Variants in PRKCA observed in about 807,000 individuals in gnomAD.
PRKCA encodes protein kinase C alpha, also known as protein kinase C alpha type.
PRKCA carries 27 observed loss-of-function variants against 87.0 expected under a neutral mutation model. That is an observed-to-expected ratio of 0.31 (90% CI 0.23 to 0.43). PRKCA has a LOEUF of 0.43. Ranked by LOEUF, PRKCA falls within the 20% of genes least tolerant of loss-of-function variation. The pLI is 1.00. For synonymous variants in PRKCA, 329 were observed against 311.1 expected (o/e 1.06, Z -0.61); for missense variants, 518 against 852.3 (o/e 0.61, Z 4.88).
chr17:66,776,524 G>T (rs1975053302), intron 14 of PRKCA, among the ~76,000 whole-genome samples: 1 of 152,058 alleles, frequency 6.6e-6, no homozygotes, highest in Non-Finnish European at 1.5e-5. Context: ...TGGCCAGGCT[G>T]GTCCTGAGCT....
intron 2 of PRKCA, among the ~76,000 whole-genome samples, chr17:66,399,008 T>C (rs79675229): frequency 3.1e-3 from 474 of 152,232 alleles, no homozygotes; most frequent in Non-Finnish European, 5.4e-3. Context: ...AGAAGAAATA[T>C]ATGGGCAGTT....
intron 2 of PRKCA, among the ~76,000 whole-genome samples, chr17:66,463,167 A>T (rs73996219): frequency 2.6e-5 from 4 of 152,056 alleles, no homozygotes; most frequent in Non-Finnish European, 4.4e-5. Flanking sequence ...GAGACAGGCA[A>T]CATGTGCACC....
intron 14 of PRKCA, among the ~76,000 whole-genome samples, chr17:66,785,634 C>T (rs983563418): frequency 3.9e-5 from 6 of 152,176 alleles, no homozygotes; most frequent in Admixed American, 6.5e-5. Flanking sequence ...TACAGACATG[C>T]TGGAGGAAAA....
chr17:66,457,913 G>T (rs1159402919), intron 2 of PRKCA, among the ~76,000 whole-genome samples: 2 of 152,150 alleles, frequency 1.3e-5, no homozygotes, highest in Non-Finnish European at 2.9e-5. Flanking sequence ...TGCTGCTGGG[G>T]TCACCTGCTG....
At chr17:66,508,371 A>C (rs1359012787) in intron 3 of PRKCA, among the ~76,000 whole-genome samples, 1 of 152,264 alleles carries the variant, frequency 6.6e-6, no homozygotes, top group African/African-American at 2.4e-5. Context: ...CCACGAAGAT[A>C]ACACTGCCGT....
At chr17:66,552,979 A>T (rs1026919201) in intron 3 of PRKCA, among the ~76,000 whole-genome samples, 2 of 142,786 alleles carry the variant, frequency 1.4e-5, no homozygotes, top group Admixed American at 1.4e-4. Context: ...TAAAAATCTG[A>T]ATATTTTCTT....
chr17:66,520,955 T>C (rs1967139950), intron 3 of PRKCA, among the ~76,000 whole-genome samples: 1 of 152,172 alleles, frequency 6.6e-6, no homozygotes, highest in East Asian at 1.9e-4. Context: ...AATACAATGA[T>C]TTAAAAGTCT....
intron 3 of PRKCA, among the ~76,000 whole-genome samples, chr17:66,563,951 T>TTCCTTCCTTCC (rs1968793590): frequency 7.3e-6 from 1 of 136,584 alleles, no homozygotes; most frequent in Non-Finnish European, 1.6e-5. Flanking sequence ...TTGTTTCTTC[T>TTCCTTCCTTCC]TTCCTTCCTT....
At chr17:66,406,067 T>G (rs1419320727) in intron 2 of PRKCA, among the ~76,000 whole-genome samples, 1 of 152,212 alleles carries the variant, frequency 6.6e-6, no homozygotes, top group African/African-American at 2.4e-5. Context: ...ATCGAGTTAG[T>G]GGGTTGAGTG....
chr17:66,553,376 G>A (rs1446641625), intron 3 of PRKCA, among the ~76,000 whole-genome samples: 1 of 152,192 alleles, frequency 6.6e-6, no homozygotes, highest in Admixed American at 6.5e-5. Context: ...TAGCTAGAAA[G>A]ATCTTTGGTA....
intron 14 of PRKCA, among the ~76,000 whole-genome samples, chr17:66,785,043 A>G (rs924551619): frequency 5.3e-5 from 8 of 152,130 alleles, no homozygotes; most frequent in African/African-American, 1.7e-4. Context: ...AGCACTTACA[A>G]CAGAAAAAGA....
At chr17:66,324,490 G>A (rs1181710680) in intron 2 of PRKCA, among the ~76,000 whole-genome samples, 4 of 150,160 alleles carry the variant, frequency 2.7e-5, no homozygotes, top group Non-Finnish European at 5.9e-5. Flanking sequence ...GTGTGTGCCT[G>A]TAATCCCAGC....
Position 66,651,957 on chromosome 17 carries a change from ATTTG to A in PRKCA, c.529+6450_529+6453del, listed in dbSNP as rs961711027. ...ACCTTGATTATTTTATTTTTTATTT[ATTTG>A]TTTATTTATTTTTTTGAGACACAGT... is the stretch of plus-strand genomic sequence containing the variant. On this transcript the variant is annotated intron_variant, in intron 5 of 16. Transcript: ENST00000413366. Among the ~76,000 whole-genome samples, 5 of 151,876 alleles carry A rather than the reference ATTTG, an allele frequency of 3.3e-5. No individual in the cohort carries two copies. In the East Asian group the frequency reaches 5.8e-4, roughly 18 times the overall value.
chr17:66,338,575 T>C (rs984036806), intron 2 of PRKCA, among the ~76,000 whole-genome samples: 1 of 151,816 alleles, frequency 6.6e-6, no homozygotes, highest in Non-Finnish European at 1.5e-5. Flanking sequence ...GACTTAACAT[T>C]CCCCCCCACT....
chr17:66,342,455 A>C (rs1415947462), intron 2 of PRKCA, among the ~76,000 whole-genome samples: 1 of 132,004 alleles, frequency 7.6e-6, no homozygotes, highest in African/African-American at 2.8e-5. Flanking sequence ...AATAATAATA[A>C]TAATAATAAT....
intron 2 of PRKCA, among the ~76,000 whole-genome samples, chr17:66,309,661 C>T (rs1904995630): frequency 6.6e-6 from 1 of 152,170 alleles, no homozygotes; most frequent in Non-Finnish European, 1.5e-5. Context: ...TGTTCCTTCA[C>T]AGCTCTGAAG....
At chr17:66,631,570 C>G (rs1242306986) in intron 3 of PRKCA, among the ~76,000 whole-genome samples, 2 of 152,162 alleles carry the variant, frequency 1.3e-5, no homozygotes, top group Admixed American at 6.5e-5. Context: ...AAGCATGCGC[C>G]ACTGCACCTA....
In PRKCA at chr17:66,646,534, G is replaced by A. The variant is rs193254146; in HGVS notation, c.529+1023G>A. Among the ~76,000 whole-genome samples, 119 of 152,160 alleles carry A rather than the reference G, an allele frequency of 7.8e-4. 1 individual carries two copies. The highest frequency in any genetic ancestry group is 2.7e-3 in the African/African-American group (114 of 41,518). ...CATTCATTTTCATTTGATCAGCAAA[G>A]GTATCTTCCTTCTGTATCTAGGAAT... On this transcript the variant is annotated intron_variant, in intron 5 of 16. Transcript: ENST00000413366.
intron 3 of PRKCA, among the ~76,000 whole-genome samples, chr17:66,631,615 A>C (rs1971014922): frequency 6.6e-6 from 1 of 152,148 alleles, no homozygotes; most frequent in African/African-American, 2.4e-5. Flanking sequence ...TTCCATATTA[A>C]ACCATCAGAG....
Sources: allele counts gnomAD v4.1 joint callset (sites outside exome capture counted in the v4.1 genomes callset), GRCh38; gene constraint gnomAD v4.1.1; transcripts MANE v1.5; gene names NCBI Gene and HGNC (gene_info 2026-07-23, HGNC 2026-07-21).